ZC3H14: variants seen among roughly 807,000 people sequenced by gnomAD.
ZC3H14 encodes zinc finger CCCH-type containing 14, also known as zinc finger CCCH domain-containing protein 14.
Under a neutral mutation model 92.4 loss-of-function variants are expected in ZC3H14, and 31 were observed. That is an observed-to-expected ratio of 0.34 (90% CI 0.25 to 0.45). The LOEUF (loss-of-function observed/expected upper bound fraction) is 0.45, where lower values mean the gene tolerates loss of function less well. Ranked by LOEUF, ZC3H14 falls within the 20% of genes least tolerant of loss-of-function variation. ZC3H14 has a pLI of 1.00. For synonymous variants in ZC3H14, 321 were observed against 300.9 expected (o/e 1.07, Z -0.69); for missense variants, 781 against 897.3 (o/e 0.87, Z 1.66).
chr14:88,618,595 C>CT lies in ZC3H14; in HGVS notation c.*6844_*6845insT. On this transcript the variant is annotated 3_prime_UTR_variant, in exon 17 of 17. Coordinates refer to ENST00000251038, the MANE Select transcript of ZC3H14 (RefSeq NM_024824.5). ...GGAACTTTAAATGCATTCACTAACACGAAATGTAAAAGCAGAAGAACTTGC... is the reference window on the plus strand; with the variant it reads ...GGAACTTTAAATGCATTCACTAACACTGAAATGTAAAAGCAGAAGAACTTGC... 6.4e-7 allele frequency: 1 copy of CT among 1,552,484 alleles called. No individual in the cohort carries two copies. The highest frequency in any genetic ancestry group is 1.2e-5 in the South Asian group (1 of 80,462).
intron 9 of ZC3H14, among the ~76,000 whole-genome samples, chr14:88,585,453 C>T (rs570775254): frequency 3.7e-4 from 56 of 151,530 alleles, no homozygotes; most frequent in Non-Finnish European, 6.6e-4. Context: ...CTCGGCTCAC[C>T]GCAACCTCCG....
chr14:88,584,201 C>T (rs2082228980), intron 9 of ZC3H14, among the ~76,000 whole-genome samples: 1 of 152,104 alleles, frequency 6.6e-6, no homozygotes, highest in African/African-American at 2.4e-5. Context: ...ATACAGTTGA[C>T]CCTTGAACCA....
Position 88,622,940 on chromosome 14 carries a change from A to T in ZC3H14, c.*11189A>T. On this transcript the variant is annotated 3_prime_UTR_variant, in exon 17 of 17. Transcript: ENST00000251038. Reference sequence around the variant, plus strand: ...TTCAGTGAATTTTATTTTGAGAAATACTCTTTTTTTCTGACATGAGCATAA... The same window carrying T: ...TTCAGTGAATTTTATTTTGAGAAATTCTCTTTTTTTCTGACATGAGCATAA... The T allele has an allele frequency of 2.5e-6, 1 of 400,546 alleles. No individual in the cohort carries two copies. Among genetic ancestry groups the T allele is most frequent in the Non-Finnish European group, 4.4e-6 (1 of 227,354 alleles). The allele number at this position is 400,546 out of a possible 1,614,324, so 24.8% of individuals were successfully genotyped here. A position where few individuals can be genotyped will look rare whatever the true frequency, so the allele number is the denominator to read the frequency against.
chr14:88,585,698 G>T (rs962563461), intron 9 of ZC3H14, among the ~76,000 whole-genome samples: 12 of 151,984 alleles, frequency 7.9e-5, no homozygotes, highest in Non-Finnish European at 1.5e-4. Flanking sequence ...CCTCATTTCT[G>T]TTCTTTTAGT....
At chr14:88,569,939 C>T (rs1346570298) in intron 3 of ZC3H14, among the ~76,000 whole-genome samples, 1 of 152,138 alleles carries the variant, frequency 6.6e-6, no homozygotes, top group Admixed American at 6.5e-5. Flanking sequence ...AGAGGTTATT[C>T]CCTCCCAGCC....
At position 88,585,176 on chromosome 14, in the gene ZC3H14, A is replaced by T. The variant is rs1165662973; in HGVS notation, c.1279+7036A>T. On this transcript the variant is annotated intron_variant, in intron 9 of 16. Transcript: ENST00000251038. ...TTAATCTCATCTGAGTTTGCCTTTT[A>T]TTGGAGAGTTTAGACCAGTCACATT... is the stretch of plus-strand genomic sequence containing the variant. Among the ~76,000 whole-genome samples, 4 of 152,208 alleles carry T rather than the reference A, an allele frequency of 2.6e-5. No individual in the cohort carries two copies. The South Asian group carries it at 8.3e-4, about 32-fold the overall frequency.
At chr14:88,611,160 C>T (rs979063237) in intron 16 of ZC3H14, among the ~76,000 whole-genome samples, 1 of 152,144 alleles carries the variant, frequency 6.6e-6, no homozygotes, top group Non-Finnish European at 1.5e-5. Context: ...TTATCTTGCT[C>T]TGTTGCCCAG....
In ZC3H14 at chr14:88,613,122, G is replaced by GAATT. The variant is rs2087059602; in HGVS notation, c.*1374_*1377dup. ...ATTGCTTTTCCATTGGGAGAAGAAA[G>GAATT]AATTAACCAGTCATTAAACCATTTG... On this transcript the variant is annotated 3_prime_UTR_variant, in exon 17 of 17. Coordinates refer to ENST00000251038, the MANE Select transcript of ZC3H14 (RefSeq NM_024824.5). 6.6e-6 allele frequency: 1 copy of GAATT among 152,234 alleles called. No homozygotes were observed. The highest frequency in any genetic ancestry group is 6.5e-5 in the Admixed American group (1 of 15,274). 9.4% of individuals were successfully genotyped at this position (152,234 alleles called of 1,614,324 possible).
chr14:88,609,117 T>C lies in ZC3H14; in HGVS notation c.1869-150T>C, dbSNP rs2086107084. The C allele has an allele frequency of 5.5e-6, 5 of 907,662 alleles. No homozygotes were observed. In the East Asian group the frequency reaches 1.1e-4, roughly 19 times the overall value. The allele number at this position is 907,662 out of a possible 1,614,324, so 56.2% of individuals were successfully genotyped here. A position where few individuals can be genotyped will look rare whatever the true frequency, so the allele number is the denominator to read the frequency against. ...AATGATTGTGTCCTATTTTGATATA[T>C]GGTCTTATTTTAAAATATTCTTTTT... On this transcript the variant is annotated intron_variant, in intron 13 of 16. Transcript: ENST00000251038.
At position 88,572,983 on chromosome 14, in the gene ZC3H14, C is replaced by T; in HGVS notation, c.837C>T (p.Asn279=). Reference sequence around the variant, plus strand: ...AAACGTATAGTCCGTTCTTTAGAAACAACTCGGAGAAAATGAGTATGGAGG... The same window carrying T: ...AAACGTATAGTCCGTTCTTTAGAAATAACTCGGAGAAAATGAGTATGGAGG... ...LEETYSPFFR[N]NSEKMSMEDE... is the part of the protein sequence containing the mutation. The change falls in exon 6 of 17, where the codon AAC becomes AAT. Residue 279 remains asparagine, a synonymous_variant. Coordinates refer to ENST00000251038, the MANE Select transcript of ZC3H14 (RefSeq NM_024824.5). 3.7e-6 allele frequency: 6 copies of T among 1,614,048 alleles called. No individual in the cohort carries two copies. Among genetic ancestry groups the T allele is most frequent in the Non-Finnish European group, 5.1e-6 (6 of 1,180,024 alleles).
intron 9 of ZC3H14, among the ~76,000 whole-genome samples, chr14:88,585,456 A>G: frequency 6.6e-6 from 1 of 150,856 alleles, no homozygotes; most frequent in African/African-American, 2.4e-5. Flanking sequence ...GGCTCACCGC[A>G]ACCTCCGACT....
chr14:88,570,878 G>A (rs2080294715), intron 3 of ZC3H14, among the ~76,000 whole-genome samples: 1 of 152,154 alleles, frequency 6.6e-6, no homozygotes, highest in Admixed American at 6.5e-5. Context: ...CACTTTGGGA[G>A]GCTGAGGCAG....
At chr14:88,578,716 C>T (rs1294446316) in intron 9 of ZC3H14, among the ~76,000 whole-genome samples, 1 of 150,638 alleles carries the variant, frequency 6.6e-6, no homozygotes, top group East Asian at 1.9e-4. Flanking sequence ...TCTCTGACCT[C>T]CCATATGTGT....
In ZC3H14 at chr14:88,602,851, C is replaced by T; in HGVS notation, c.1538C>T (p.Pro513Leu). The T allele has an allele frequency of 6.2e-7, 1 of 1,614,114 alleles. No individual in the cohort carries two copies. The highest frequency in any genetic ancestry group is 8.5e-7 in the Non-Finnish European group (1 of 1,180,008). ...AGAGATCTTGTACAACCAGATAAAC[C>T]TGCAAGTCCCAAGTTTATAGTGACG... ...QTRDLVQPDK[P>L]ASPKFIVTLD... Residue 513 changes from proline (P) to leucine (L), a missense_variant, in exon 12 of 17, where the codon CCT becomes CTT. Around this residue, in one of 3 missense-constraint regions of ZC3H14, gnomAD observed 221 missense variants for 304.7 expected, o/e 0.73. Transcript: ENST00000251038.
At chr14:88,573,403 A>AC (rs778226647) in intron 6 of ZC3H14, among the ~76,000 whole-genome samples, 7 of 151,976 alleles carry the variant, frequency 4.6e-5, no homozygotes, top group Non-Finnish European at 8.8e-5. Flanking sequence ...AAAACAAAAA[A>AC]CAAAAAAAAC....
chr14:88,617,169 G>A lies in ZC3H14; in HGVS notation c.*5418G>A, dbSNP rs1441429552. On this transcript the variant is annotated 3_prime_UTR_variant, in exon 17 of 17. Coordinates refer to ENST00000251038, the MANE Select transcript of ZC3H14 (RefSeq NM_024824.5). ...TTTTTTCTTTTTTTTTTTTTGAGAC[G>A]GAGTTTTCGCTCTTGTTACCCAGGC... 1.6e-5 allele frequency: 3 copies of A among 193,464 alleles called. No homozygotes were observed. Among genetic ancestry groups the A allele is most frequent in the Non-Finnish European group, 3.2e-5 (3 of 94,632 alleles). The allele number at this position is 193,464 out of a possible 1,614,324, so 12.0% of individuals were successfully genotyped here. A position where few individuals can be genotyped will look rare whatever the true frequency, so the allele number is the denominator to read the frequency against.
chr14:88,610,710 A>G, intron 15 of ZC3H14, 124 bp from the exon 16 acceptor site: 1 of 908,982 alleles, frequency 1.1e-6, no homozygotes, highest in Non-Finnish European at 1.8e-6. Context: ...AGACTGAGGC[A>G]AGAGGTCATG....
chr14:88,590,760 A>G (rs1032259157), intron 9 of ZC3H14: 5 of 152,060 alleles, frequency 3.3e-5, no homozygotes, highest in African/African-American at 1.2e-4. Context: ...GTCCTTTTTG[A>G]GCAGGGATTT....
At position 88,617,138 on chromosome 14, in the gene ZC3H14, G is replaced by C; in HGVS notation, c.*5387G>C. The C allele has an allele frequency of 3.6e-6, 1 of 278,170 alleles. No individual in the cohort carries two copies. The highest frequency in any genetic ancestry group is 6.7e-6 in the Non-Finnish European group (1 of 149,586). 17.2% of individuals were successfully genotyped at this position (278,170 alleles called of 1,614,324 possible). ...AAGTAGTACTTTATGAAAACTGATA[G>C]AACTATTTTTTCTTTTTTTTTTTTT... On this transcript the variant is annotated 3_prime_UTR_variant, in exon 17 of 17. Transcript: ENST00000251038.
Sources: gnomAD v4.1 joint callset for allele counts (sites outside exome capture counted in the v4.1 genomes callset) on GRCh38, gnomAD v4.1.1 for gene constraint, gnomAD v4.1.1 regional missense constraint, MANE v1.5 for transcripts, NCBI Gene and HGNC (gene_info 2026-07-23, HGNC 2026-07-21) for gene names.